QTGAL: variants seen among roughly 807,000 people sequenced by gnomAD.
QTGAL encodes the protein BGnT-like protein 1.
the QTGAL span, among the ~76,000 whole-genome samples, chr17:83,039,094 C>G: frequency 1.3e-5 from 2 of 152,162 alleles, no homozygotes; most frequent in African/African-American, 4.8e-5. Context: ...GCTGCCAACA[C>G]CTCCTGAGTG....
chr17:83,024,406 C>T, the QTGAL span, among the ~76,000 whole-genome samples: 1,126 of 152,358 alleles, frequency 7.4e-3, 14 homozygotes, highest in African/African-American at 0.026. Context: ...GACCACACGG[C>T]GGTTCAGACG....
the QTGAL span, among the ~76,000 whole-genome samples, chr17:83,009,968 T>G: frequency 8.4e-6 from 1 of 118,548 alleles, no homozygotes; most frequent in Non-Finnish European, 1.8e-5. Context: ...GGAGGGGAGC[T>G]GTGGGGGAAG....
the QTGAL span, among the ~76,000 whole-genome samples, chr17:82,966,764 G>A: frequency 1.3e-5 from 2 of 152,206 alleles, no homozygotes; most frequent in African/African-American, 2.4e-5. Flanking sequence ...TGATTATGGG[G>A]TAGGCAAAGG....
the QTGAL span, among the ~76,000 whole-genome samples, chr17:82,975,817 G>A: frequency 2.5e-4 from 23 of 91,504 alleles, no homozygotes; most frequent in African/African-American, 3.9e-4. Flanking sequence ...CCCAGGGGCC[G>A]GAGGCCACTT....
chr17:82,978,304 GC>G, the QTGAL span, among the ~76,000 whole-genome samples: 62 of 152,246 alleles, frequency 4.1e-4, no homozygotes, highest in African/African-American at 1.5e-3. This position sits in a 1 kb window ranked among gnomAD's most constrained non-coding sequence, Gnocchi z 4.8. Flanking sequence ...CTCCAGCAAA[GC>G]CCCGAGGAAG....
the QTGAL span, among the ~76,000 whole-genome samples, chr17:82,989,471 C>T: frequency 2.0e-5 from 3 of 148,398 alleles, no homozygotes; most frequent in South Asian, 6.6e-4. Context: ...ATGTACCCCC[C>T]ATTCTGCACA....
chr17:83,003,033 C>T, the QTGAL span, among the ~76,000 whole-genome samples: 1 of 70,586 alleles, frequency 1.4e-5, no homozygotes, highest in Non-Finnish European at 2.7e-5. Context: ...CCCGCCCTCC[C>T]GCCCTCCGCG....
chr17:83,024,475 T>C, the QTGAL span, among the ~76,000 whole-genome samples: 1 of 152,252 alleles, frequency 6.6e-6, no homozygotes, highest in South Asian at 2.1e-4. Flanking sequence ...CCCTCGCTCA[T>C]CCGCCTCCAG....
the QTGAL span, among the ~76,000 whole-genome samples, chr17:83,050,367 T>C: frequency 6.8e-6 from 1 of 146,256 alleles, no homozygotes. Flanking sequence ...TGAAACTCCA[T>C]TTCAAAAAAT....
the QTGAL span, among the ~76,000 whole-genome samples, chr17:82,976,260 A>G: frequency 1.1e-5 from 1 of 91,948 alleles, no homozygotes; most frequent in Non-Finnish European, 2.1e-5. Flanking sequence ...GAGGCCACTT[A>G]TGGGGAAACA....
chr17:82,973,980 C>G, the QTGAL span, among the ~76,000 whole-genome samples: 1 of 152,182 alleles, frequency 6.6e-6, no homozygotes, highest in African/African-American at 2.4e-5. Context: ...AGCAAGCAGC[C>G]CAGCCCCTTG....
At chr17:83,024,061 G>A in the QTGAL span, among the ~76,000 whole-genome samples, 4 of 152,310 alleles carry the variant, frequency 2.6e-5, no homozygotes, top group East Asian at 3.9e-4. Context: ...GGGAGGACTC[G>A]CCTGATACGA....
the QTGAL span, among the ~76,000 whole-genome samples, chr17:83,011,658 C>T: frequency 1.8e-4 from 27 of 152,284 alleles, no homozygotes; most frequent in African/African-American, 4.8e-4. Context: ...ACGGGGTGGA[C>T]GCTCCACCTA....
At chr17:83,029,228 C>G in the QTGAL span, among the ~76,000 whole-genome samples, 1 of 152,232 alleles carries the variant, frequency 6.6e-6, no homozygotes, top group African/African-American at 2.4e-5. Context: ...CATGTAAATT[C>G]TACCTCAATT....
At chr17:82,946,917 G>A in the QTGAL span, 2 of 1,567,884 alleles carry the variant, frequency 1.3e-6, no homozygotes, top group African/African-American at 2.7e-5. Flanking sequence ...CTGAAGTGAA[G>A]GAAGTCCTGG....
chr17:83,028,307 G>A, the QTGAL span, among the ~76,000 whole-genome samples: 459 of 151,566 alleles, frequency 3.0e-3, 1 homozygote, highest in Middle Eastern at 0.021. Context: ...GGCGGATCAC[G>A]AGGTCAGGAG....
the QTGAL span, chr17:83,007,003 T>C: frequency 1.3e-5 from 5 of 384,264 alleles, no homozygotes; most frequent in East Asian, 8.1e-4. Flanking sequence ...GTCTCGGTTT[T>C]CATTCCGTTC....
chr17:82,967,900 A>G, the QTGAL span, among the ~76,000 whole-genome samples: 2,878 of 152,166 alleles, frequency 0.019, 85 homozygotes, highest in African/African-American at 0.066. Context: ...GCACCACAGC[A>G]CTCACTCCAG....
the QTGAL span, among the ~76,000 whole-genome samples, chr17:82,953,767 T>G: frequency 6.6e-6 from 1 of 152,222 alleles, no homozygotes; most frequent in African/African-American, 2.4e-5. Context: ...ACTGGCAAAC[T>G]GAATCCAGCA....
Sources: gnomAD v4.1 joint callset for allele counts (sites outside exome capture counted in the v4.1 genomes callset) on GRCh38, gnomAD v4.1.1 for gene constraint, Gnocchi (gnomAD v3.1) non-coding constraint, MANE v1.5 for transcripts, NCBI Gene and HGNC (gene_info 2026-07-23, HGNC 2026-07-21) for gene names.